Variants in EHBP1 observed in about 807,000 individuals in gnomAD.
EHBP1 encodes EH domain binding protein 1, also known as EH domain-binding protein 1.
Under a neutral mutation model 144.0 loss-of-function variants are expected in EHBP1, and 55 were observed. That is an observed-to-expected ratio of 0.38 (90% CI 0.31 to 0.48). The LOEUF is 0.48. EHBP1 is among the 20% of genes least tolerant of loss of function. EHBP1 has a pLI of 0.98. For missense variants in EHBP1, 1,200 were observed against 1,364.2 expected, an observed-to-expected ratio of 0.88 and a Z score of 1.90; for synonymous variants, 469 against 472.7, an observed-to-expected ratio of 0.99 and a Z score of 0.10.
At chr2:62,993,737 A>C (rs2059511475) in intron 17 of EHBP1, 69 bp downstream of exon 17, 1 of 763,394 alleles carries the variant, frequency 1.3e-6, no homozygotes, top group African/African-American at 1.9e-5. Flanking sequence ...TATATAGTAT[A>C]TATATATAGT....
chr2:62,717,045 G>C (rs1049733951), intron 2 of EHBP1, among the ~76,000 whole-genome samples: 14 of 152,138 alleles, frequency 9.2e-5, no homozygotes, highest in African/African-American at 3.4e-4. Flanking sequence ...TGGGATTACA[G>C]GTGTAAGGAC....
chr2:62,996,608 A>AT lies in EHBP1; in HGVS notation c.2980-26dup, dbSNP rs760944432. 1.3e-4 allele frequency: 204 copies of AT among 1,602,254 alleles called. 1 individual carries two copies. Among genetic ancestry groups the AT allele is most frequent in the African/African-American group, 3.8e-4 (28 of 74,282 alleles). On this transcript the variant is annotated intron_variant, in intron 18 of 22. Coordinates refer to ENST00000431489, the MANE Select transcript of EHBP1 (RefSeq NM_001142616.3). ...AAAGGAAAAATGCAACTTACAAGTG[A>AT]TTTTTTTTTCCTTCCTGTTTGTTCT...
chr2:62,679,152 A>C (rs538796632), intron 1 of EHBP1, among the ~76,000 whole-genome samples: 10 of 152,300 alleles, frequency 6.6e-5, no homozygotes, highest in Non-Finnish European at 1.2e-4. Context: ...GTCTTTTTTA[A>C]ATTTGACCTC....
intron 19 of EHBP1, among the ~76,000 whole-genome samples, chr2:63,030,567 A>AGTGG (rs2061197877): frequency 4.0e-5 from 6 of 151,790 alleles, no homozygotes; most frequent in African/African-American, 1.5e-4. Flanking sequence ...GGCCCACTGC[A>AGTGG]AGCTCCACCT....
intron 19 of EHBP1, among the ~76,000 whole-genome samples, chr2:63,011,279 T>C (rs1023745620): frequency 1.3e-5 from 2 of 151,888 alleles, no homozygotes; most frequent in African/African-American, 2.4e-5. Flanking sequence ...TGGTCATTTG[T>C]GAAAAACATC....
intron 19 of EHBP1, among the ~76,000 whole-genome samples, chr2:63,001,391 A>G (rs967683098): frequency 6.6e-6 from 1 of 152,316 alleles, no homozygotes; most frequent in South Asian, 2.1e-4. Flanking sequence ...AATATGAAAT[A>G]TACTTAGAGA....
At chr2:62,755,618 C>T (rs771993088) in intron 3 of EHBP1, among the ~76,000 whole-genome samples, 2 of 152,164 alleles carry the variant, frequency 1.3e-5, no homozygotes, top group African/African-American at 4.8e-5. Flanking sequence ...GGCCTCACAT[C>T]CTGAGCAGCA....
intron 5 of EHBP1, among the ~76,000 whole-genome samples, chr2:62,783,682 C>A (rs1389367106): frequency 1.3e-5 from 2 of 152,252 alleles, no homozygotes; most frequent in Non-Finnish European, 1.5e-5. Flanking sequence ...AGTCCCAAGG[C>A]TGCACACAGC....
At chr2:62,870,682 C>T (rs2050391569) in intron 9 of EHBP1, among the ~76,000 whole-genome samples, 1 of 138,008 alleles carries the variant, frequency 7.2e-6, no homozygotes, top group Non-Finnish European at 1.5e-5. Flanking sequence ...TGCCACTGTA[C>T]TCCAGCCTGG....
chr2:62,977,794 A>G (rs2058782907), intron 14 of EHBP1, among the ~76,000 whole-genome samples: 1 of 152,240 alleles, frequency 6.6e-6, no homozygotes, highest in South Asian at 2.1e-4. Flanking sequence ...AAAAAATAAC[A>G]TATACACGTA....
At chr2:62,984,233 T>C (rs145806168) in intron 15 of EHBP1, among the ~76,000 whole-genome samples, 1 of 152,336 alleles carries the variant, frequency 6.6e-6, no homozygotes, top group African/African-American at 2.4e-5. Context: ...CTCTCTTTTT[T>C]AACTGTCACC....
chr2:63,011,484 T>C (rs2060266319), intron 19 of EHBP1, among the ~76,000 whole-genome samples: 1 of 151,976 alleles, frequency 6.6e-6, no homozygotes, highest in African/African-American at 2.4e-5. Flanking sequence ...TAAATCCAAG[T>C]GTAATGTGCT....
chr2:63,035,073 C>T (rs1264068784), intron 19 of EHBP1, among the ~76,000 whole-genome samples: 2 of 151,926 alleles, frequency 1.3e-5, no homozygotes. Flanking sequence ...GGTCTTTAAC[C>T]AGTTATTAAA....
At position 62,889,011 on chromosome 2, in the gene EHBP1, G is replaced by A. The variant is rs558594506; in HGVS notation, c.1185+14479G>A. The stretch of plus-strand genomic sequence containing the variant: ...TACAAACTTGGCACTTAAACAAACC[G>A]AAGAGTGTCTTCATAAATTTTGGCA... On this transcript the variant is annotated intron_variant, in intron 10 of 22. Transcript: ENST00000431489. Among the ~76,000 whole-genome samples the A allele has an allele frequency of 3.6e-5, 5 of 137,844 alleles. No homozygotes were observed. In the South Asian group the frequency reaches 1.0e-3, roughly 28 times the overall value. The allele number at this position is 137,844 out of a possible 152,430, so 90.4% of individuals were successfully genotyped here. A position where few individuals can be genotyped will look rare whatever the true frequency, so the allele number is the denominator to read the frequency against.
At chr2:62,897,046 T>C (rs1458295233) in intron 10 of EHBP1, among the ~76,000 whole-genome samples, 1 of 152,218 alleles carries the variant, frequency 6.6e-6, no homozygotes, top group African/African-American at 2.4e-5. Flanking sequence ...TTGCTTCTAC[T>C]CCTGTACCAT....
At chr2:62,821,767 T>C (rs908863019) in intron 5 of EHBP1, among the ~76,000 whole-genome samples, 7 of 152,210 alleles carry the variant, frequency 4.6e-5, no homozygotes, top group Non-Finnish European at 1.0e-4. Context: ...TTATGTTTTA[T>C]ACCGTGTTCT....
intron 4 of EHBP1, 44 bp from the exon 5 acceptor site, chr2:62,771,295 A>C (rs2041637673): frequency 6.8e-7 from 1 of 1,462,374 alleles, no homozygotes; most frequent in Non-Finnish European, 9.4e-7. Flanking sequence ...ATTGGACTAA[A>C]GACATGTATT....
chr2:62,825,600 T>G (rs2152605344), intron 5 of EHBP1, among the ~76,000 whole-genome samples: 1 of 150,508 alleles, frequency 6.6e-6, no homozygotes, highest in Non-Finnish European at 1.5e-5. Context: ...AGAATTCAGA[T>G]GTTGTAGACA....
At chr2:62,754,546 G>C (rs543418151) in intron 3 of EHBP1, among the ~76,000 whole-genome samples, 8 of 152,346 alleles carry the variant, frequency 5.3e-5, no homozygotes, top group Admixed American at 1.3e-4. Flanking sequence ...TAAGTCTGCA[G>C]AGGTTTCTGC....
Sources: allele counts gnomAD v4.1 joint callset (sites outside exome capture counted in the v4.1 genomes callset), GRCh38; gene constraint gnomAD v4.1.1; transcripts MANE v1.5; gene names NCBI Gene and HGNC (gene_info 2026-07-23, HGNC 2026-07-21).